FGGY: variants seen among roughly 807,000 people sequenced by gnomAD.
FGGY encodes the protein FGGY carbohydrate kinase domain-containing protein.
In FGGY, 72 loss-of-function variants were observed where a neutral mutation model predicts 71.3. The ratio of observed to expected loss-of-function variants is 1.01; its 90% CI spans 0.84 to 1.23. The LOEUF (loss-of-function observed/expected upper bound fraction) is 1.23, where lower values mean the gene tolerates loss of function less well. Ranked by LOEUF, FGGY falls within the 50% of genes most tolerant of loss-of-function variation. The probability of loss-of-function intolerance (pLI) is 0.00; values close to 1 mark genes in which losing one functional copy is unlikely to be tolerated. For missense variants in FGGY, 668 were observed against 682.3 expected (o/e 0.98, Z 0.23); for synonymous variants, 251 against 250.3 (o/e 1.00, Z -0.02).
intron 7 of FGGY, 39 bp from the exon 8 acceptor site, chr1:59,554,085 G>T (rs1448788110): frequency 7.0e-7 from 1 of 1,437,154 alleles, no homozygotes; most frequent in African/African-American, 1.4e-5. Context: ...CTTTTTTTAT[G>T]TGTTAAAGAG....
intron 5 of FGGY, among the ~76,000 whole-genome samples, chr1:59,400,164 A>G (rs910094676): frequency 1.3e-5 from 2 of 152,148 alleles, no homozygotes; most frequent in Non-Finnish European, 2.9e-5. Context: ...TTCAGCCTGT[A>G]TTTTCTGTCT....
intron 14 of FGGY, among the ~76,000 whole-genome samples, chr1:59,705,221 G>C (rs1009527921): frequency 6.6e-6 from 1 of 151,898 alleles, no homozygotes; most frequent in Non-Finnish European, 1.5e-5. Flanking sequence ...ATCTACCTTT[G>C]CTTACAATAT....
At chr1:59,613,917 G>C (rs2096719756) in intron 9 of FGGY, among the ~76,000 whole-genome samples, 2 of 152,036 alleles carry the variant, frequency 1.3e-5, no homozygotes, top group South Asian at 2.1e-4. Flanking sequence ...ATAAATTCCT[G>C]GACACATATA....
intron 4 of FGGY, among the ~76,000 whole-genome samples, chr1:59,375,280 AAAAG>A: frequency 6.6e-6 from 1 of 151,164 alleles, no homozygotes; most frequent in African/African-American, 2.4e-5. Flanking sequence ...AAAAAAAAAA[AAAAG>A]AAACAAACAA....
intron 5 of FGGY, among the ~76,000 whole-genome samples, chr1:59,399,572 A>C (rs980558553): frequency 6.6e-6 from 1 of 152,318 alleles, no homozygotes; most frequent in Middle Eastern, 3.4e-3. Flanking sequence ...CATTTGTAAT[A>C]GGGATGACAA....
At chr1:59,476,769 C>T (rs905057934) in intron 6 of FGGY, among the ~76,000 whole-genome samples, 2 of 152,248 alleles carry the variant, frequency 1.3e-5, no homozygotes, top group Non-Finnish European at 2.9e-5. Context: ...CTGACATTCC[C>T]TTCCTCAGTG....
chr1:59,544,449 G>T (rs774886183), intron 7 of FGGY, among the ~76,000 whole-genome samples: 1 of 152,158 alleles, frequency 6.6e-6, no homozygotes, highest in Non-Finnish European at 1.5e-5. Context: ...TCACATGAGG[G>T]TCTTATGACC....
At chr1:59,343,409 C>T (rs934232939) in intron 3 of FGGY, among the ~76,000 whole-genome samples, 2 of 152,138 alleles carry the variant, frequency 1.3e-5, no homozygotes, top group African/African-American at 4.8e-5. Context: ...CCTGCCTAGC[C>T]ATTGGCTAGT....
At chr1:59,564,865 A>C (rs2095849637) in intron 8 of FGGY, among the ~76,000 whole-genome samples, 1 of 152,252 alleles carries the variant, frequency 6.6e-6, no homozygotes, top group Admixed American at 6.5e-5. Flanking sequence ...GAAGGTCAGG[A>C]ACAAAAGCCT....
intron 5 of FGGY, among the ~76,000 whole-genome samples, chr1:59,428,796 G>A (rs1384997447): frequency 1.3e-5 from 2 of 152,198 alleles, no homozygotes; most frequent in Non-Finnish European, 2.9e-5. Context: ...AGTCTATGAT[G>A]GCACCTTTTG....
intron 5 of FGGY, among the ~76,000 whole-genome samples, chr1:59,389,967 C>T (rs2060509170): frequency 6.6e-6 from 1 of 152,058 alleles, no homozygotes; most frequent in African/African-American, 2.4e-5. Context: ...GGGAGAAGCA[C>T]AGTTACTTCT....
chr1:59,361,361 G>T (rs17119322), intron 4 of FGGY, among the ~76,000 whole-genome samples: 3,460 of 152,210 alleles, frequency 0.023, 139 homozygotes, highest in African/African-American at 0.079. Flanking sequence ...GGGAACTTGG[G>T]TTACTCTAGA....
intron 7 of FGGY, among the ~76,000 whole-genome samples, chr1:59,516,357 A>G (rs1414519733): frequency 1.3e-5 from 2 of 152,200 alleles, no homozygotes; most frequent in Non-Finnish European, 2.9e-5. Flanking sequence ...TTAGCAGTGA[A>G]CAAGTCAGGC....
At chr1:59,296,461 G>T (rs1353403092), upstream of FGGY, among the ~76,000 whole-genome samples, 2 of 152,226 alleles carry the variant, frequency 1.3e-5, no homozygotes, top group Non-Finnish European at 2.9e-5. Flanking sequence ...GCTCCGCAAG[G>T]TGAGTCCCCA....
chr1:59,487,045 G>T (rs1447530742), intron 6 of FGGY, among the ~76,000 whole-genome samples: 1 of 152,144 alleles, frequency 6.6e-6, no homozygotes, highest in Non-Finnish European at 1.5e-5. Flanking sequence ...AGACCATGAT[G>T]GGAGTGACAC....
chr1:59,446,729 C>T (rs2071344047), intron 5 of FGGY, among the ~76,000 whole-genome samples: 1 of 152,170 alleles, frequency 6.6e-6, no homozygotes. Context: ...GGTAATTTAT[C>T]CCCACTCTCA....
At chr1:59,536,707 A>C (rs1033489491) in intron 7 of FGGY, among the ~76,000 whole-genome samples, 2 of 152,202 alleles carry the variant, frequency 1.3e-5, no homozygotes, top group African/African-American at 4.8e-5. Flanking sequence ...ATATAGGTAA[A>C]TCAAAAAATA....
At chr1:59,665,447 T>G (rs1442474884) in intron 12 of FGGY, among the ~76,000 whole-genome samples, 1 of 152,158 alleles carries the variant, frequency 6.6e-6, no homozygotes, top group Non-Finnish European at 1.5e-5. Context: ...TGCTGTGCCT[T>G]TTGCTCCTGA....
chr1:59,565,691 AAC>A (rs2095863363), intron 8 of FGGY, among the ~76,000 whole-genome samples: 1 of 152,150 alleles, frequency 6.6e-6, no homozygotes, highest in African/African-American at 2.4e-5. Context: ...GTTGACCATA[AAC>A]ACACGTGTTT....
Sources: allele counts gnomAD v4.1 joint callset (sites outside exome capture counted in the v4.1 genomes callset), GRCh38; gene constraint gnomAD v4.1.1; transcripts MANE v1.5; gene names NCBI Gene and HGNC (gene_info 2026-07-23, HGNC 2026-07-21).